Variants in BUB1 observed in about 807,000 individuals in gnomAD.
BUB1 encodes BUB1 mitotic checkpoint serine/threonine kinase, also known as mitotic checkpoint serine/threonine-protein kinase BUB1.
In BUB1, 84 loss-of-function variants were observed where a neutral mutation model predicts 135.2. The ratio of observed to expected loss-of-function variants is 0.62; its 90% CI spans 0.52 to 0.74. The LOEUF (loss-of-function observed/expected upper bound fraction) is 0.74. Ranked by LOEUF, BUB1 falls within the 30% of genes least tolerant of loss-of-function variation. The pLI is 0.00. For synonymous variants in BUB1, 403 were observed against 434.4 expected (o/e 0.93, Z 0.90); for missense variants, 1,162 against 1,288.3 (o/e 0.90, Z 1.50).
At chr2:110,640,461 A>G (rs181790027) in intron 23 of BUB1, among the ~76,000 whole-genome samples, 8 of 152,202 alleles carry the variant, frequency 5.3e-5, no homozygotes, top group Non-Finnish European at 1.2e-4. Context: ...TATCCCAATT[A>G]GCATTCTCCT....
intron 3 of BUB1, among the ~76,000 whole-genome samples, chr2:110,673,142 C>G (rs909749430): frequency 6.6e-6 from 1 of 152,202 alleles, no homozygotes; most frequent in African/African-American, 2.4e-5. Flanking sequence ...AGAGCTTAGA[C>G]AAGCTTCTGG....
intron 4 of BUB1, among the ~76,000 whole-genome samples, chr2:110,671,927 A>G (rs1690434363): frequency 6.6e-6 from 1 of 152,228 alleles, no homozygotes; most frequent in Non-Finnish European, 1.5e-5. Flanking sequence ...TTATTAAGAA[A>G]TATATTCATC....
At chr2:110,675,366 T>C (rs1257544629) in intron 1 of BUB1, 1 of 152,226 alleles carries the variant, frequency 6.6e-6, no homozygotes, top group Non-Finnish European at 1.5e-5. Flanking sequence ...TCAGAGGCGG[T>C]GACATGTGAT....
intron 13 of BUB1, 126 bp downstream of exon 13, chr2:110,658,284 C>T: frequency 1.4e-6 from 1 of 692,488 alleles, no homozygotes; most frequent in Non-Finnish European, 2.4e-6. Flanking sequence ...ATTTTTATTT[C>T]ATGCATTCCC....
Position 110,655,729 on chromosome 2 carries a change from T to C in BUB1, c.1876+10A>G, listed in dbSNP as rs765878376. 1.9e-6 allele frequency: 3 copies of C among 1,609,450 alleles called. No homozygotes were observed. The highest frequency in any genetic ancestry group is 2.6e-6 in the Non-Finnish European group (3 of 1,176,462). On this transcript the variant is annotated intron_variant, in intron 16 of 24. Coordinates refer to ENST00000302759, the MANE Select transcript of BUB1 (RefSeq NM_004336.5). ...GCAGAAGACAGACACTAAAACAGTGTAACACACACCTTTATCTTCTAAAAT... is the reference window on the plus strand; with the variant it reads ...GCAGAAGACAGACACTAAAACAGTGCAACACACACCTTTATCTTCTAAAAT...
intron 21 of BUB1, 69 bp from the exon 22 acceptor site, chr2:110,641,533 T>A (rs1369740578): frequency 6.4e-7 from 1 of 1,558,814 alleles, no homozygotes; most frequent in African/African-American, 1.4e-5. Context: ...ATTGAGAGCT[T>A]TGCCCCTGCC....
chr2:110,667,012 G>A (rs1025056916), intron 8 of BUB1, among the ~76,000 whole-genome samples: 4 of 152,154 alleles, frequency 2.6e-5, no homozygotes, highest in East Asian at 1.9e-4. Flanking sequence ...GTTGTCAACC[G>A]AGTATGAAAA....
chr2:110,642,968 A>T (rs530718990), intron 19 of BUB1, among the ~76,000 whole-genome samples: 1 of 152,342 alleles, frequency 6.6e-6, no homozygotes, highest in South Asian at 2.1e-4. Context: ...TTGGGATTAC[A>T]GGAGTGAGCT....
chr2:110,644,058 C>CAAAAAAAAAAAAAAAAAAAAAAAAAAGA (rs58393999), intron 19 of BUB1, among the ~76,000 whole-genome samples: 2 of 39,692 alleles, frequency 5.0e-5, no homozygotes, highest in Non-Finnish European at 8.6e-5. Context: ...AACTGAAATG[C>CAAAAAAAAAAAAAAAAAAAAAAAAAAGA]AAAAAAAAAA....
At chr2:110,642,317 T>C (rs769693608) in intron 19 of BUB1, 83 bp from the exon 20 acceptor site, 10 of 912,554 alleles carry the variant, frequency 1.1e-5, no homozygotes, top group South Asian at 3.6e-5. Context: ...TACAAAGACA[T>C]AGAGTTTTCT....
At chr2:110,663,649 A>C (rs993329918) in intron 9 of BUB1, among the ~76,000 whole-genome samples, 1 of 152,198 alleles carries the variant, frequency 6.6e-6, no homozygotes, top group Non-Finnish European at 1.5e-5. Flanking sequence ...ATTGCTAGAC[A>C]AGTTCAGAAA....
chr2:110,678,023 CA>C lies in BUB1; in HGVS notation c.-29del. 6.3e-7 allele frequency: 1 copy of C among 1,594,918 alleles called. No individual in the cohort carries two copies. Among genetic ancestry groups the C allele is most frequent in the African/African-American group, 1.3e-5 (1 of 74,388 alleles). On this transcript the variant is annotated 5_prime_UTR_variant, in exon 1 of 25. Coordinates refer to ENST00000302759, the MANE Select transcript of BUB1 (RefSeq NM_004336.5). ...CCAGAGGACGCTGGCCGGCAGCGGC[CA>C]AACCTGAACCGCAAACTAGAAGCCG...
At chr2:110,639,389 T>A (rs192879165) in intron 24 of BUB1, among the ~76,000 whole-genome samples, 268 of 117,224 alleles carry the variant, frequency 2.3e-3, no homozygotes, top group Non-Finnish European at 2.8e-3. Flanking sequence ...AGTATTTCCA[T>A]AGACCAAAAA....
Position 110,669,436 on chromosome 2 carries a change from A to G in BUB1, c.567+17T>C. Reference sequence around the variant, plus strand: ...ACCATTCCCAGTTTCCACACAAGCTACAAATGTCATTATTACCTGATTCTT... The same window carrying G: ...ACCATTCCCAGTTTCCACACAAGCTGCAAATGTCATTATTACCTGATTCTT... On this transcript the variant is annotated intron_variant, in intron 6 of 24. Transcript: ENST00000302759. 6.5e-7 allele frequency: 1 copy of G among 1,541,554 alleles called. No homozygotes were observed. Among genetic ancestry groups the G allele is most frequent in the African/African-American group, 1.4e-5 (1 of 73,514 alleles).
chr2:110,637,564 G>C lies in BUB1; in HGVS notation c.*400C>G, dbSNP rs1574310788. On this transcript the variant is annotated 3_prime_UTR_variant, in exon 25 of 25. Coordinates refer to ENST00000302759, the MANE Select transcript of BUB1 (RefSeq NM_004336.5). ...CAAGCTTTATTCATAAAAACTTGAA[G>C]TCCCTTGGAAATGTTAGGGAAGTGT... 6.5e-6 allele frequency: 1 copy of C among 154,074 alleles called. No homozygotes were observed. Among genetic ancestry groups the C allele is most frequent in the East Asian group, 1.9e-4 (1 of 5,266 alleles). The allele number at this position is 154,074 out of a possible 1,614,324, so 9.5% of individuals were successfully genotyped here.
intron 23 of BUB1, among the ~76,000 whole-genome samples, chr2:110,640,401 AG>A (rs1689472468): frequency 6.6e-6 from 1 of 151,298 alleles, no homozygotes; most frequent in African/African-American, 2.4e-5. Context: ...AGCTCTCACC[AG>A]GGAACTTGGC....
At chr2:110,658,827 T>G (rs1690004603) in intron 11 of BUB1, 85 bp from the exon 12 acceptor site, 1 of 1,516,572 alleles carries the variant, frequency 6.6e-7, no homozygotes, top group Admixed American at 1.8e-5. Flanking sequence ...AAGTTACAAT[T>G]AAAACAGTTT....
At chr2:110,650,013 A>G (rs1395094701) in intron 18 of BUB1, among the ~76,000 whole-genome samples, 1 of 152,176 alleles carries the variant, frequency 6.6e-6, no homozygotes, top group Non-Finnish European at 1.5e-5. Context: ...GGTTCTTACA[A>G]TAAGCCTCTA....
chr2:110,666,624 T>TAA (rs398060452), intron 8 of BUB1, among the ~76,000 whole-genome samples: 29 of 120,758 alleles, frequency 2.4e-4, no homozygotes, highest in Admixed American at 3.3e-4. Context: ...TGTAAATTAC[T>TAA]AAAAAAAAAA....
Sources: allele counts gnomAD v4.1 joint callset (sites outside exome capture counted in the v4.1 genomes callset), GRCh38; gene constraint gnomAD v4.1.1; transcripts MANE v1.5; gene names NCBI Gene and HGNC (gene_info 2026-07-23, HGNC 2026-07-21).